Variants in SNX13 observed in about 807,000 individuals in gnomAD.
SNX13 encodes the protein sorting nexin-13.
Under a neutral mutation model 133.6 loss-of-function variants are expected in SNX13, and 45 were observed. The ratio of observed to expected loss-of-function variants is 0.34; its 90% CI spans 0.27 to 0.43. SNX13 has a LOEUF of 0.43. Ranked by LOEUF, SNX13 falls within the 20% of genes least tolerant of loss-of-function variation. SNX13 has a pLI of 1.00. For missense variants in SNX13, 1,032 were observed against 1,145.1 expected (o/e 0.90, Z 1.43); for synonymous variants, 414 against 373.9 (o/e 1.11, Z -1.24).
chr7:17,920,197 T>C (rs994849962), intron 1 of SNX13, among the ~76,000 whole-genome samples: 1 of 152,200 alleles, frequency 6.6e-6, no homozygotes, highest in African/African-American at 2.4e-5. Context: ...TCATGATATC[T>C]ATTTCGCTTA....
intron 1 of SNX13, among the ~76,000 whole-genome samples, chr7:17,933,680 G>A (rs1055081793): frequency 6.6e-6 from 1 of 150,536 alleles, no homozygotes; most frequent in Admixed American, 6.6e-5. Flanking sequence ...TGCACCACTA[G>A]CCAGGAGACT....
At chr7:17,829,928 A>G in intron 16 of SNX13, 82 bp downstream of exon 16, 1 of 1,002,344 alleles carries the variant, frequency 1.0e-6, no homozygotes, top group Non-Finnish European at 1.4e-6. Context: ...TTCTTTATAT[A>G]TCATTTATTT....
In SNX13 at chr7:17,819,636, T is replaced by C. The variant is rs576179732; in HGVS notation, c.1845+1873A>G. On this transcript the variant is annotated intron_variant, in intron 18 of 25. Transcript: ENST00000428135. ...ACCATTTATTCATGTTAACAGGCTA[T>C]ACTGTGACCAACTGCTGAATTACAA... Among the ~76,000 whole-genome samples the C allele has an allele frequency of 1.3e-3, 200 of 152,332 alleles. 1 individual carries two copies. The highest frequency in any genetic ancestry group is 4.2e-3 in the African/African-American group (175 of 41,566).
intron 20 of SNX13, among the ~76,000 whole-genome samples, chr7:17,809,282 C>CAAA (rs535077123): frequency 0.016 from 782 of 49,326 alleles, 10 homozygotes; most frequent in Middle Eastern, 0.025. Flanking sequence ...AGATGGAAAG[C>CAAA]AAAAAAAAAA....
At chr7:17,835,112 T>G (rs898300019) in intron 13 of SNX13, among the ~76,000 whole-genome samples, 2 of 151,908 alleles carry the variant, frequency 1.3e-5, no homozygotes, top group African/African-American at 4.8e-5. Context: ...GCCTAGCAAG[T>G]TATCTCTCAG....
chr7:17,879,205 G>C (rs1795071913), intron 5 of SNX13, among the ~76,000 whole-genome samples: 1 of 152,122 alleles, frequency 6.6e-6, no homozygotes, highest in African/African-American at 2.4e-5. Context: ...TGTTCATTTT[G>C]TTTGTTCTTT....
chr7:17,888,990 G>A (rs1456040058), intron 5 of SNX13: 1 of 215,792 alleles, frequency 4.6e-6, no homozygotes, highest in Admixed American at 5.8e-5. Context: ...TTTTTCAATA[G>A]TCAGGCACAA....
intron 1 of SNX13, chr7:17,899,560 T>G (rs1797589378): frequency 6.6e-6 from 1 of 151,796 alleles, no homozygotes; most frequent in African/African-American, 2.4e-5. Context: ...ACTCATTCCT[T>G]CTTCTGCTTG....
chr7:17,852,908 G>C (rs1381192758), intron 9 of SNX13, among the ~76,000 whole-genome samples: 1 of 152,148 alleles, frequency 6.6e-6, no homozygotes, highest in Admixed American at 6.5e-5. Flanking sequence ...CATAGATACA[G>C]GTTATGAATG....
chr7:17,933,879 A>T lies in SNX13; in HGVS notation c.12+6405T>A, dbSNP rs568911341. ...ACAAAGTTATACCCTCCATCATCTT[A>T]TATGATCTTCATAACAATGTAAGAA... On this transcript the variant is annotated intron_variant, in intron 1 of 25. Coordinates refer to ENST00000428135, the MANE Select transcript of SNX13 (RefSeq NM_015132.5). Among the ~76,000 whole-genome samples, 306 of 152,228 alleles carry T rather than the reference A, an allele frequency of 2.0e-3. 3 individuals are homozygous for T. Among genetic ancestry groups the T allele is most frequent in the Non-Finnish European group, 3.8e-3 (260 of 68,012 alleles).
intron 1 of SNX13, among the ~76,000 whole-genome samples, chr7:17,908,262 C>G (rs1583723752): frequency 6.6e-6 from 1 of 152,166 alleles, no homozygotes; most frequent in South Asian, 2.1e-4. Context: ...CCCTTCCTCA[C>G]AGCCAAAGCT....
chr7:17,814,084 C>T (rs1422598274), intron 20 of SNX13, among the ~76,000 whole-genome samples: 1 of 152,184 alleles, frequency 6.6e-6, no homozygotes, highest in Non-Finnish European at 1.5e-5. Context: ...TCCCCCACTG[C>T]TCCTCCTGCT....
intron 25 of SNX13, chr7:17,795,101 T>C (rs886712039): frequency 6.6e-6 from 1 of 151,404 alleles, no homozygotes; most frequent in South Asian, 2.1e-4. Context: ...ATAGTACAAG[T>C]TGGGTTGAAT....
intron 1 of SNX13, among the ~76,000 whole-genome samples, chr7:17,919,280 T>C (rs1250339262): frequency 2.0e-5 from 3 of 152,116 alleles, no homozygotes; most frequent in African/African-American, 7.2e-5. Flanking sequence ...CATATACACC[T>C]AAAAATCAGA....
chr7:17,933,544 G>GAA (rs113827759), intron 1 of SNX13, among the ~76,000 whole-genome samples: 3 of 120,252 alleles, frequency 2.5e-5, no homozygotes. Flanking sequence ...CTCTGTCTCA[G>GAA]AAAAAAAAAA....
At chr7:17,894,114 C>G (rs1235563585) in intron 2 of SNX13, among the ~76,000 whole-genome samples, 1 of 151,708 alleles carries the variant, frequency 6.6e-6, no homozygotes, top group Non-Finnish European at 1.5e-5. Flanking sequence ...ACCACCCTGA[C>G]CAACATGGTG....
intron 20 of SNX13, among the ~76,000 whole-genome samples, chr7:17,811,919 G>C (rs1786085079): frequency 6.6e-6 from 1 of 152,046 alleles, no homozygotes; most frequent in African/African-American, 2.4e-5. Flanking sequence ...TTTAATAAAT[G>C]GTGTTGGAAA....
In SNX13 at chr7:17,802,524, C is replaced by A. The variant is rs563403305; in HGVS notation, c.2227-865G>T. 1.8e-4 allele frequency among the ~76,000 whole-genome samples: 27 copies of A among 152,212 alleles called. No homozygotes were observed. The South Asian group carries it at 4.8e-3, about 27-fold the overall frequency. ...GATGACAAAGAGGCCTAGAAAACTTCAGTGACTTTTGTACAAATTCATATG... is the reference window on the plus strand; with the variant it reads ...GATGACAAAGAGGCCTAGAAAACTTAAGTGACTTTTGTACAAATTCATATG... On this transcript the variant is annotated intron_variant, in intron 21 of 25. Transcript: ENST00000428135.
intron 9 of SNX13, among the ~76,000 whole-genome samples, chr7:17,867,021 T>C (rs1180771063): frequency 2.0e-5 from 3 of 152,208 alleles, no homozygotes; most frequent in African/African-American, 7.2e-5. Context: ...AATTAAAAAC[T>C]TGTTAAAATT....
Sources: allele counts gnomAD v4.1 joint callset (sites outside exome capture counted in the v4.1 genomes callset), GRCh38; gene constraint gnomAD v4.1.1; transcripts MANE v1.5; gene names NCBI Gene and HGNC (gene_info 2026-07-23, HGNC 2026-07-21).